The following TECPR2 variants were observed in gnomAD, a reference collection of about 807,000 sequenced individuals.
TECPR2 encodes the protein tectonin beta-propeller repeat-containing protein 2.
Under a neutral mutation model 138.1 loss-of-function variants are expected in TECPR2, and 65 were observed. The ratio of observed to expected loss-of-function variants is 0.47; its 90% CI spans 0.39 to 0.58. The LOEUF is 0.58. Ranked by LOEUF, TECPR2 falls within the 20% of genes least tolerant of loss-of-function variation. The pLI, the probability that TECPR2 is intolerant of heterozygous loss-of-function variation, is 0.00. For synonymous variants in TECPR2, 746 were observed against 749.8 expected (o/e 0.99, Z 0.08); for missense variants, 1,553 against 1,824.5 (o/e 0.85, Z 2.71).
Position 102,498,580 on chromosome 14 carries a change from G to A in TECPR2, c.*323G>A, listed in dbSNP as rs1891356794. ...ATAGCTCCAGCTTTTGTTGGTGGGA[G>A]TGGTCTCCGGAGGCCTCCCAGAACC... On this transcript the variant is annotated 3_prime_UTR_variant, in exon 20 of 20. Coordinates refer to ENST00000359520, the MANE Select transcript of TECPR2 (RefSeq NM_014844.5). The A allele has an allele frequency of 4.5e-6, 2 of 443,016 alleles. No individual in the cohort carries two copies. Among genetic ancestry groups the A allele is most frequent in the Non-Finnish European group, 8.4e-6 (2 of 237,842 alleles). The allele number at this position is 443,016 out of a possible 1,614,324, so 27.4% of individuals were successfully genotyped here. A position where few individuals can be genotyped will look rare whatever the true frequency, so the allele number is the denominator to read the frequency against.
chr14:102,435,562 G>A (rs1444758009), intron 9 of TECPR2, among the ~76,000 whole-genome samples: 1 of 152,222 alleles, frequency 6.6e-6, no homozygotes, highest in Non-Finnish European at 1.5e-5. Context: ...AAACCAGTGG[G>A]CAGAGGACTG....
intron 1 of TECPR2, among the ~76,000 whole-genome samples, chr14:102,376,015 G>T (rs1292164468): frequency 2.0e-5 from 3 of 152,144 alleles, no homozygotes; most frequent in African/African-American, 7.2e-5. Flanking sequence ...CAAGTGGGTG[G>T]GTCTCCATGT....
chr14:102,440,521 C>G lies in TECPR2; in HGVS notation c.2664C>G (p.Tyr888Ter). 3 of 1,614,154 alleles carry G rather than the reference C, an allele frequency of 1.9e-6. No homozygotes were observed. The highest frequency in any genetic ancestry group is 2.5e-6 in the Non-Finnish European group (3 of 1,180,052). ...KVTIKGKRHWYEALPQAVFVA... is the reference protein window; with the variant it reads ...KVTIKGKRHW ...CCATCAAGGGGAAGCGGCACTGGTACGAAGCCCTGCCCCAGGCAGTGTTTG... is the reference window on the plus strand; with the variant it reads ...CCATCAAGGGGAAGCGGCACTGGTAGGAAGCCCTGCCCCAGGCAGTGTTTG... Residue 888 changes from tyrosine (Y) to a stop codon, truncating the protein, a stop_gained, in exon 11 of 20, where the codon TAC becomes TAG. Transcript: ENST00000359520. LOFTEE classifies it high-confidence loss of function.
At chr14:102,372,270 CTT>C (rs368764334) in intron 1 of TECPR2, among the ~76,000 whole-genome samples, 2 of 144,930 alleles carry the variant, frequency 1.4e-5, no homozygotes, top group Non-Finnish European at 1.5e-5. Flanking sequence ...CTTTTCTTTT[CTT>C]TTTTTTTTTT....
At position 102,434,897 on chromosome 14, in the gene TECPR2, A is replaced by G. The variant is rs1004873030; in HGVS notation, c.2080A>G (p.Ser694Gly). 4 of 1,613,696 alleles carry G rather than the reference A, an allele frequency of 2.5e-6. No homozygotes were observed. The highest frequency in any genetic ancestry group is 1.7e-5 in the Admixed American group (1 of 60,010). Residue 694 changes from serine to glycine, a missense_variant, in exon 9 of 20, where the codon AGC becomes GGC. Ser to Gly is a moderately conservative substitution (Grantham distance 56). Coordinates refer to ENST00000359520, the MANE Select transcript of TECPR2 (RefSeq NM_014844.5). ...LTSMEASGHL[S>G]TNLWHAVTDD... ...CAGCATGGAGGCCTCTGGCCACCTCAGCACAAATCTCTGGCATGCTGTCAC... is the reference window on the plus strand; with the variant it reads ...CAGCATGGAGGCCTCTGGCCACCTCGGCACAAATCTCTGGCATGCTGTCAC...
intron 17 of TECPR2, among the ~76,000 whole-genome samples, chr14:102,483,068 G>A (rs1890930529): frequency 6.6e-6 from 1 of 151,596 alleles, no homozygotes; most frequent in African/African-American, 2.4e-5. Flanking sequence ...AGCCAGGATG[G>A]TCTCGATCTC....
chr14:102,425,318 T>G, intron 6 of TECPR2, 27 bp downstream of exon 6: 2 of 1,549,740 alleles, frequency 1.3e-6, no homozygotes, highest in Non-Finnish European at 8.7e-7. Context: ...CACCATATCT[T>G]CTGTGTCTAT....
chr14:102,462,010 C>T (rs1017057934), intron 16 of TECPR2, among the ~76,000 whole-genome samples: 5 of 152,170 alleles, frequency 3.3e-5, no homozygotes, highest in African/African-American at 4.8e-5. Context: ...CTCTTCAATT[C>T]GGAATAAGCT....
Position 102,362,960 on chromosome 14 carries a change from T to C in TECPR2, c.-229T>C, listed in dbSNP as rs1350594537. 1.3e-5 allele frequency: 18 copies of C among 1,439,068 alleles called. No homozygotes were observed. Among genetic ancestry groups the C allele is most frequent in the Non-Finnish European group, 1.6e-5 (17 of 1,043,176 alleles). 89.1% of individuals were successfully genotyped at this position (1,439,068 alleles called of 1,614,324 possible). ...GCTGCCACTTGTGGCTCTGCCGCTCTAGCCCCCGGCGGAGCCAGCTGCTGC... is the reference window on the plus strand; with the variant it reads ...GCTGCCACTTGTGGCTCTGCCGCTCCAGCCCCCGGCGGAGCCAGCTGCTGC... On this transcript the variant is annotated 5_prime_UTR_variant, in exon 1 of 20. Coordinates refer to ENST00000359520, the MANE Select transcript of TECPR2 (RefSeq NM_014844.5).
chr14:102,474,472 A>C (rs1890713950), intron 17 of TECPR2, among the ~76,000 whole-genome samples: 1 of 151,756 alleles, frequency 6.6e-6, no homozygotes, highest in Non-Finnish European at 1.5e-5. Flanking sequence ...TAAAAATACA[A>C]AATTAGCTGG....
At chr14:102,373,547 T>C (rs934804252) in intron 1 of TECPR2, among the ~76,000 whole-genome samples, 2 of 152,188 alleles carry the variant, frequency 1.3e-5, no homozygotes, top group Non-Finnish European at 2.9e-5. Flanking sequence ...TTAAATGTAT[T>C]GTGACTTATC....
At chr14:102,444,641 A>C (rs1889921732) in intron 12 of TECPR2, among the ~76,000 whole-genome samples, 1 of 152,182 alleles carries the variant, frequency 6.6e-6, no homozygotes, top group African/African-American at 2.4e-5. Context: ...TCTTGGTTTG[A>C]ATTTAGCAAG....
chr14:102,473,528 C>CA (rs1371260422), intron 17 of TECPR2, among the ~76,000 whole-genome samples: 2 of 152,200 alleles, frequency 1.3e-5, no homozygotes, highest in African/African-American at 4.8e-5. Flanking sequence ...GAAATGGAGG[C>CA]AGGGGATAGA....
chr14:102,431,691 CTGGT>C, intron 7 of TECPR2, 101 bp from the exon 8 acceptor site: 2 of 1,145,724 alleles, frequency 1.7e-6, no homozygotes, highest in Non-Finnish European at 2.5e-6. Context: ...CTTTAGCTGG[CTGGT>C]GCCTCTGTGA....
chr14:102,437,275 A>G, intron 9 of TECPR2: 1 of 874,348 alleles, frequency 1.1e-6, no homozygotes, highest in Non-Finnish European at 1.4e-6. Flanking sequence ...GGTCGGGCAC[A>G]GTGGCTCACG....
At chr14:102,394,812 G>A (rs867689819) in intron 2 of TECPR2, among the ~76,000 whole-genome samples, 1 of 152,052 alleles carries the variant, frequency 6.6e-6, no homozygotes, top group African/African-American at 2.4e-5. Flanking sequence ...ACAAGGTCTC[G>A]ACGGAGTCTG....
At chr14:102,372,997 T>C (rs754524116) in intron 1 of TECPR2, among the ~76,000 whole-genome samples, 32 of 152,228 alleles carry the variant, frequency 2.1e-4, no homozygotes, top group Non-Finnish European at 4.4e-4. Context: ...AAATAAATTA[T>C]GGCACATCAA....
chr14:102,435,212 G>C lies in TECPR2; in HGVS notation c.2394+1G>C. 1.9e-6 allele frequency: 3 copies of C among 1,594,180 alleles called. No individual in the cohort carries two copies. The highest frequency in any genetic ancestry group is 2.6e-6 in the Non-Finnish European group (3 of 1,167,346). ...CGCCGGGCTGCTCAAGCCAGATCAG[G>C]TATGTGGGTTCGGGTGGTGGGAAAA... On this transcript the variant is annotated splice_donor_variant, in intron 9 of 19. Coordinates refer to ENST00000359520, the MANE Select transcript of TECPR2 (RefSeq NM_014844.5). LOFTEE classifies it high-confidence loss of function.
At chr14:102,482,634 C>T (rs375973447) in intron 17 of TECPR2, among the ~76,000 whole-genome samples, 30 of 152,232 alleles carry the variant, frequency 2.0e-4, no homozygotes, top group African/African-American at 7.2e-4. Context: ...TGGAGTTTAT[C>T]TTCCAGTCGG....
Sources: allele counts gnomAD v4.1 joint callset (sites outside exome capture counted in the v4.1 genomes callset), GRCh38; gene constraint gnomAD v4.1.1; transcripts MANE v1.5; gene names NCBI Gene and HGNC (gene_info 2026-07-23, HGNC 2026-07-21).